MACROD2: variants seen among roughly 807,000 people sequenced by gnomAD.
MACROD2 encodes the protein mono-ADP ribosylhydrolase 2, also known as ADP-ribose glycohydrolase MACROD2.
Under a neutral mutation model 70.4 loss-of-function variants are expected in MACROD2, and 36 were observed. The observed-to-expected ratio is 0.51, with a 90% confidence interval of 0.39 to 0.68. The LOEUF is 0.68. Ranked by LOEUF, MACROD2 falls within the 30% of genes least tolerant of loss-of-function variation. The pLI is 0.00. For synonymous variants in MACROD2, 172 were observed against 178.8 expected (o/e 0.96, Z 0.30); for missense variants, 496 against 538.4 (o/e 0.92, Z 0.78).
chr20:15,079,454 T>C (rs560313818), intron 5 of MACROD2, among the ~76,000 whole-genome samples: 2 of 152,286 alleles, frequency 1.3e-5, no homozygotes, highest in Admixed American at 1.3e-4. Context: ...AGCTCCATAA[T>C]GTTAGTTTTG....
At chr20:15,002,575 C>T (rs1463769129) in intron 5 of MACROD2, among the ~76,000 whole-genome samples, 1 of 152,060 alleles carries the variant, frequency 6.6e-6, no homozygotes, top group Non-Finnish European at 1.5e-5. Flanking sequence ...CCTACCCAGC[C>T]TGATATTAAA....
At chr20:15,458,634 TTTTTTAAA>T (rs1235834511) in intron 7 of MACROD2, among the ~76,000 whole-genome samples, 2 of 126,818 alleles carry the variant, frequency 1.6e-5, no homozygotes, top group Non-Finnish European at 1.7e-5. Context: ...TTTGTTTTTT[TTTTTTAAA>T]AAAAAAAAAG....
intron 12 of MACROD2, among the ~76,000 whole-genome samples, chr20:15,948,241 G>A (rs567931333): frequency 6.6e-6 from 1 of 151,990 alleles, no homozygotes; most frequent in East Asian, 1.9e-4. Context: ...GCTAAAACAG[G>A]AGGTAAAGAA....
intron 3 of MACROD2, among the ~76,000 whole-genome samples, chr20:14,129,696 C>T (rs2054693875): frequency 6.6e-6 from 1 of 152,136 alleles, no homozygotes; most frequent in African/African-American, 2.4e-5. Flanking sequence ...TAAGAGATTA[C>T]CACAGCAAAA....
chr20:14,399,919 TA>T (rs2083619817), intron 3 of MACROD2, among the ~76,000 whole-genome samples: 1 of 152,208 alleles, frequency 6.6e-6, no homozygotes, highest in Admixed American at 6.5e-5. Flanking sequence ...ATTAGATTTT[TA>T]AAAATCTTTC....
At chr20:15,190,443 A>T (rs74399768) in intron 5 of MACROD2, among the ~76,000 whole-genome samples, 1,654 of 152,278 alleles carry the variant, frequency 0.011, 24 homozygotes, top group African/African-American at 0.038. Flanking sequence ...TCCTCTGTAG[A>T]ATTACCTCTC....
intron 5 of MACROD2, among the ~76,000 whole-genome samples, chr20:14,965,659 G>A (rs1666735227): frequency 1.3e-5 from 2 of 149,704 alleles, no homozygotes; most frequent in Non-Finnish European, 3.0e-5. Context: ...TAGTAGAGAC[G>A]CGGTTTCACT....
chr20:14,078,407 T>G (rs2053944342), intron 2 of MACROD2, among the ~76,000 whole-genome samples: 1 of 152,140 alleles, frequency 6.6e-6, no homozygotes, highest in Non-Finnish European at 1.5e-5. Context: ...ATGAATTCTT[T>G]TTTTGTTTGT....
At chr20:14,530,910 C>G (rs552832949) in intron 4 of MACROD2, among the ~76,000 whole-genome samples, 1 of 152,302 alleles carries the variant, frequency 6.6e-6, no homozygotes, top group Admixed American at 6.5e-5. Context: ...TAAACTTGCG[C>G]AGTCAGTAGC....
intron 15 of MACROD2, among the ~76,000 whole-genome samples, chr20:15,998,650 C>T (rs552303457): frequency 2.8e-4 from 43 of 151,046 alleles, no homozygotes; most frequent in African/African-American, 8.3e-4. Context: ...CTGCAAGCTC[C>T]GCCTCCTGGG....
chr20:14,663,726 A>G (rs989932175), intron 4 of MACROD2, among the ~76,000 whole-genome samples: 1 of 152,066 alleles, frequency 6.6e-6, no homozygotes, highest in African/African-American at 2.4e-5. Flanking sequence ...AAAATAAATT[A>G]TGTAAAGGGA....
intron 3 of MACROD2, among the ~76,000 whole-genome samples, chr20:14,447,040 A>G (rs759929264): frequency 1.3e-5 from 2 of 151,892 alleles, no homozygotes; most frequent in Non-Finnish European, 2.9e-5. Context: ...TTTTTTTGAG[A>G]TGGAGTCTCG....
chr20:14,408,992 G>A (rs1223654769), intron 3 of MACROD2, among the ~76,000 whole-genome samples: 1 of 152,052 alleles, frequency 6.6e-6, no homozygotes, highest in Non-Finnish European at 1.5e-5. Flanking sequence ...CACTCCTGCT[G>A]CAACTCTTGC....
At chr20:14,298,569 A>AG in intron 3 of MACROD2, among the ~76,000 whole-genome samples, 1 of 44,286 alleles carries the variant, frequency 2.3e-5, no homozygotes, top group Admixed American at 2.6e-4. Context: ...ACTCCACCTC[A>AG]AAAAAAAAAA....
chr20:15,646,023 T>A (rs1470680618), intron 8 of MACROD2, among the ~76,000 whole-genome samples: 2 of 152,186 alleles, frequency 1.3e-5, no homozygotes, highest in African/African-American at 2.4e-5. Context: ...CAACATTTTT[T>A]AAATTGTACT....
At chr20:15,141,132 G>T (rs1462237929) in intron 5 of MACROD2, among the ~76,000 whole-genome samples, 6 of 151,174 alleles carry the variant, frequency 4.0e-5, no homozygotes, top group Admixed American at 4.0e-4. Flanking sequence ...ACATGTGTTT[G>T]CATAAGGAGT....
chr20:14,002,714 T>C (rs2052750103), intron 2 of MACROD2, among the ~76,000 whole-genome samples: 1 of 152,170 alleles, frequency 6.6e-6, no homozygotes, highest in Non-Finnish European at 1.5e-5. Flanking sequence ...GCTTTGGTGG[T>C]GTGGCCCTTT....
intron 8 of MACROD2, among the ~76,000 whole-genome samples, chr20:15,554,191 T>A (rs73100236): frequency 0.08 from 12,111 of 152,144 alleles, 525 homozygotes; most frequent in Non-Finnish European, 0.1. Context: ...AGAGAGACAG[T>A]GCTAATATTG....
chr20:15,677,761 G>A (rs73105650), intron 8 of MACROD2, among the ~76,000 whole-genome samples: 4,925 of 152,098 alleles, frequency 0.032, 232 homozygotes, highest in African/African-American at 0.11. Flanking sequence ...TGAGATTTTC[G>A]TTTTTACCTT....
Sources: allele counts gnomAD v4.1 joint callset (sites outside exome capture counted in the v4.1 genomes callset), GRCh38; gene constraint gnomAD v4.1.1; transcripts MANE v1.5; gene names NCBI Gene and HGNC (gene_info 2026-07-23, HGNC 2026-07-21).